Variants in FOXP2 observed in about 807,000 individuals in gnomAD.
The protein encoded by FOXP2 is forkhead box protein P2.
FOXP2 carries 12 observed loss-of-function variants against 115.8 expected under a neutral mutation model. The ratio of observed to expected loss-of-function variants is 0.10; its 90% confidence interval spans 0.07 to 0.17. The LOEUF is 0.17. FOXP2 is among the 10% of genes least tolerant of loss of function. The pLI, the probability that FOXP2 is intolerant of heterozygous loss-of-function variation, is 1.00. For missense variants in FOXP2, 629 were observed against 843.5 expected (o/e 0.75, Z 3.15); for synonymous variants, 328 against 297.7 (o/e 1.10, Z -1.05).
At chr7:114,115,023 A>G (rs143156746) in intron 1 of FOXP2, among the ~76,000 whole-genome samples, 1,569 of 152,060 alleles carry the variant, frequency 0.01, 6 homozygotes, top group Admixed American at 0.017. Context: ...TTTGTTTTGA[A>G]TCATTGGCTA....
rs955135535 is a variant in FOXP2 at position 114,658,216 on chromosome 7, G to A, written c.1417G>A (p.Gly473Arg). Residue 473 changes from glycine (G) to arginine (R), a missense_variant, in exon 11 of 17, where the codon GGA becomes AGA. Transcript: ENST00000350908. ...CACCCCAGCCAGTGTGCCCAATGTG[G>A]GAGCCATACGAAGGCGACATTCAGA... ...VITPASVPNV[G>R]AIRRRHSDKY... The A allele has an allele frequency of 1.9e-6, 3 of 1,613,778 alleles. No individual in the cohort carries two copies. Among genetic ancestry groups the A allele is most frequent in the Non-Finnish European group, 2.5e-6 (3 of 1,179,842 alleles).
intron 3 of FOXP2, among the ~76,000 whole-genome samples, chr7:114,581,149 G>A (rs1055620181): frequency 7.4e-5 from 10 of 134,920 alleles, no homozygotes; most frequent in South Asian, 2.6e-4. Flanking sequence ...ATCTTCTTCC[G>A]TTTATTTATT....
At chr7:114,432,051 T>C (rs1421243694) in intron 2 of FOXP2, among the ~76,000 whole-genome samples, 1 of 151,982 alleles carries the variant, frequency 6.6e-6, no homozygotes, top group East Asian at 1.9e-4. Flanking sequence ...ATTACAATCT[T>C]TGCCTTCAAA....
At position 114,197,642 on chromosome 7, in the gene FOXP2, A is replaced by G. The variant is rs146924644; in HGVS notation, c.-102+34554A>G. 5.3e-4 allele frequency among the ~76,000 whole-genome samples: 81 copies of G among 152,282 alleles called. 1 individual carries two copies. The highest frequency in any genetic ancestry group is 3.4e-3 in the Middle Eastern group (1 of 294). ...AGTTTTCATTGATTGATTTTTTTCTATATAAAACAAGATGTGATGCTAAAA... is the reference window on the plus strand; with the variant it reads ...AGTTTTCATTGATTGATTTTTTTCTGTATAAAACAAGATGTGATGCTAAAA... On this transcript the variant is annotated intron_variant, in intron 1 of 17. Coordinates refer to the FOXP2 transcript ENST00000634411.
intron 1 of FOXP2, among the ~76,000 whole-genome samples, chr7:114,137,203 G>T (rs796434826): frequency 2.6e-5 from 4 of 152,002 alleles, no homozygotes; most frequent in South Asian, 2.1e-4. Flanking sequence ...GGGTATTATG[G>T]ATAGGTTTTA....
rs948100183 is a variant in FOXP2, at chr7:114,518,511, AT to A, written c.169-16093del. ...CCCTTTGACCCAAAGATTCTATAGAATTTTTTTTTTTTTGAGATGGAGTCTC... is the reference window on the plus strand; with the variant it reads ...CCCTTTGACCCAAAGATTCTATAGAATTTTTTTTTTTTGAGATGGAGTCTC... On this transcript the variant is annotated intron_variant, in intron 2 of 16. Transcript: ENST00000350908. Among the ~76,000 whole-genome samples the A allele has an allele frequency of 1.5e-3, 223 of 145,800 alleles. 1 individual carries two copies. Among genetic ancestry groups the A allele is most frequent in the African/African-American group, 2.9e-3 (117 of 40,068 alleles).
At chr7:114,321,432 TC>T (rs1797420247) in intron 2 of FOXP2, among the ~76,000 whole-genome samples, 1 of 152,050 alleles carries the variant, frequency 6.6e-6, no homozygotes, top group Non-Finnish European at 1.5e-5. Flanking sequence ...TCTCCTGACC[TC>T]GTGGTCTGCC....
chr7:114,387,662 A>G (rs1792486884), intron 2 of FOXP2, among the ~76,000 whole-genome samples: 1 of 152,204 alleles, frequency 6.6e-6, no homozygotes, highest in African/African-American at 2.4e-5. Context: ...TTTGATGGGA[A>G]GAACAGAAAA....
chr7:114,351,723 T>C (rs1270028138), intron 2 of FOXP2, among the ~76,000 whole-genome samples: 1 of 152,140 alleles, frequency 6.6e-6, no homozygotes, highest in East Asian at 1.9e-4. Flanking sequence ...AATGGCACAA[T>C]GGAAGAAATT....
At chr7:114,142,048 G>A (rs1792228046) in intron 1 of FOXP2, among the ~76,000 whole-genome samples, 3 of 151,500 alleles carry the variant, frequency 2.0e-5, no homozygotes, top group Non-Finnish European at 2.9e-5. Flanking sequence ...TTTTTAGACT[G>A]AGTCTCGCTC....
At chr7:114,470,643 T>G (rs979860798) in intron 2 of FOXP2, among the ~76,000 whole-genome samples, 1 of 152,202 alleles carries the variant, frequency 6.6e-6, no homozygotes, top group Non-Finnish European at 1.5e-5. Flanking sequence ...CAGAGGCTTC[T>G]TATTAAGATC....
intron 2 of FOXP2, among the ~76,000 whole-genome samples, chr7:114,452,895 CT>C (rs369074559): frequency 1.2e-3 from 180 of 152,074 alleles, no homozygotes; most frequent in African/African-American, 3.8e-3. Context: ...AAGTAAGAGC[CT>C]TTGTCTTCTT....
At chr7:114,132,124 C>A (rs1791894459) in intron 1 of FOXP2, among the ~76,000 whole-genome samples, 1 of 152,058 alleles carries the variant, frequency 6.6e-6, no homozygotes, top group Non-Finnish European at 1.5e-5. Flanking sequence ...TTAAAATTAC[C>A]TACTAAAACA....
chr7:114,172,560 G>T (rs536530837), intron 1 of FOXP2, among the ~76,000 whole-genome samples: 1 of 152,072 alleles, frequency 6.6e-6, no homozygotes, highest in Non-Finnish European at 1.5e-5. Flanking sequence ...CACATGTACC[G>T]CACTAATGTA....
intron 1 of FOXP2, among the ~76,000 whole-genome samples, chr7:114,155,816 T>A (rs1241681273): frequency 2.0e-5 from 3 of 152,114 alleles, no homozygotes; most frequent in African/African-American, 4.8e-5. Context: ...GAAGTATGCA[T>A]AGAAGAGGGC....
intron 16 of FOXP2, among the ~76,000 whole-genome samples, chr7:114,688,559 A>T (rs908195329): frequency 6.6e-6 from 1 of 152,108 alleles, no homozygotes; most frequent in African/African-American, 2.4e-5. Context: ...TGATGCATCT[A>T]ATGTGTCAAA....
chr7:114,165,635 GGAGA>G (rs1216561610), intron 1 of FOXP2, among the ~76,000 whole-genome samples: 1 of 152,128 alleles, frequency 6.6e-6, no homozygotes, highest in African/African-American at 2.4e-5. Flanking sequence ...CTGAATAAAT[GGAGA>G]GATAGTCCCT....
intron 2 of FOXP2, among the ~76,000 whole-genome samples, chr7:114,369,818 G>A (rs1460940635): frequency 1.3e-5 from 2 of 151,996 alleles, no homozygotes; most frequent in African/African-American, 2.4e-5. Context: ...GCTTAATCGA[G>A]TTCCTTCTAT....
intron 1 of FOXP2, among the ~76,000 whole-genome samples, chr7:114,154,621 T>C (rs1280961026): frequency 6.6e-6 from 1 of 152,134 alleles, no homozygotes. Flanking sequence ...AAAAGCATTG[T>C]CTGTGGACAA....
Sources: gnomAD v4.1 joint callset for allele counts (sites outside exome capture counted in the v4.1 genomes callset) on GRCh38, gnomAD v4.1.1 for gene constraint, MANE v1.5 for transcripts, NCBI Gene and HGNC (gene_info 2026-07-23, HGNC 2026-07-21) for gene names.